The following TOM1L2 variants were observed in gnomAD, a reference collection of about 807,000 sequenced individuals.
The protein encoded by TOM1L2 is TOM1-like protein 2.
A neutral mutation model predicts 67.9 loss-of-function variants in TOM1L2; 31 were observed. The ratio of observed to expected loss-of-function variants is 0.46; its 90% CI spans 0.34 to 0.62. The LOEUF is 0.62. Ranked by LOEUF, TOM1L2 falls within the 20% of genes least tolerant of loss-of-function variation. The probability of loss-of-function intolerance (pLI) is 0.01; values close to 1 mark genes in which losing one functional copy is unlikely to be tolerated. For missense variants in TOM1L2, 606 were observed against 663.5 expected, an observed-to-expected ratio of 0.91 and a Z score of 0.95; for synonymous variants, 256 against 254.0, an observed-to-expected ratio of 1.01 and a Z score of -0.07.
chr17:17,856,591 C>T lies in TOM1L2; in HGVS notation c.1278+4885G>A, dbSNP rs1330446308. Among the ~76,000 whole-genome samples the T allele has an allele frequency of 5.9e-5, 9 of 152,218 alleles. No individual in the cohort carries two copies. In the East Asian group the frequency reaches 1.7e-3, roughly 29 times the overall value. On this transcript the variant is annotated intron_variant, in intron 12 of 14. Transcript: ENST00000379504. ...GACCTGCTGGCCTTTCCTCTGGCCA[C>T]AGCCTAGCATAGCACACTATGGGCA...
chr17:17,910,051 G>A (rs939172211), intron 1 of TOM1L2, among the ~76,000 whole-genome samples: 3 of 152,092 alleles, frequency 2.0e-5, no homozygotes, highest in African/African-American at 7.2e-5. Flanking sequence ...TTGTTGAATG[G>A]TTAAAATGAT....
chr17:17,906,848 A>T (rs144286969), intron 2 of TOM1L2, among the ~76,000 whole-genome samples: 1 of 152,368 alleles, frequency 6.6e-6, no homozygotes, highest in Non-Finnish European at 1.5e-5. Context: ...AGTGGTATGG[A>T]CAGAGGGCTA....
chr17:17,879,775 A>T, intron 6 of TOM1L2, 32 bp from the exon 7 acceptor site: 1 of 1,549,452 alleles, frequency 6.5e-7, no homozygotes, highest in Non-Finnish European at 8.9e-7. Context: ...GAAAGCAGGA[A>T]GGAAAGGTCA....
At chr17:17,957,907 G>A (rs911708618) in intron 1 of TOM1L2, among the ~76,000 whole-genome samples, 1 of 151,700 alleles carries the variant, frequency 6.6e-6, no homozygotes, top group African/African-American at 2.4e-5. Flanking sequence ...TGGCTAACAC[G>A]GTGAAACCCC....
chr17:17,866,386 C>G lies in TOM1L2; in HGVS notation c.994G>C (p.Asp332His). ...LNEVTEDNLI[D>H]LGPGSPAVVS... is the part of the protein sequence containing the mutation. ...ACGGCTGGAGACCCTGGCCCCAGGT[C>G]TATTAAGTTGTCTTCGGTTACTTCA... Residue 332 changes from aspartate to histidine, a missense_variant, in exon 10 of 15, where the codon GAC (aspartate) becomes CAC (histidine). Coordinates refer to ENST00000379504, the MANE Select transcript of TOM1L2 (RefSeq NM_001082968.2). The G allele has an allele frequency of 6.2e-7, 1 of 1,606,308 alleles. No individual in the cohort carries two copies. The highest frequency in any genetic ancestry group is 2.2e-5 in the East Asian group (1 of 44,676).
rs184187648 is a variant in TOM1L2, at chr17:17,962,534, G to A, written c.52+9728C>T. On this transcript the variant is annotated intron_variant, in intron 1 of 14. Coordinates refer to ENST00000379504, the MANE Select transcript of TOM1L2 (RefSeq NM_001082968.2). ...TCACCGTGTTGCGCAGGCTGGTCTC[G>A]AACTCCTGAGCTCAGGCAATCCACC... Among the ~76,000 whole-genome samples, 869 of 151,940 alleles carry A rather than the reference G, an allele frequency of 5.7e-3. 8 individuals are homozygous for A. The highest frequency in any genetic ancestry group is 0.011 in the Admixed American group (164 of 15,270).
chr17:17,856,100 G>A (rs191159445), intron 12 of TOM1L2, among the ~76,000 whole-genome samples: 3 of 152,364 alleles, frequency 2.0e-5, no homozygotes, highest in Admixed American at 1.3e-4. Flanking sequence ...GGCAGAGACA[G>A]GCACCACCAC....
chr17:17,856,588 CCACAGCCTAGCATAG>C (rs1208604465), intron 12 of TOM1L2, among the ~76,000 whole-genome samples: 9 of 152,220 alleles, frequency 5.9e-5, no homozygotes, highest in Admixed American at 5.9e-4. Context: ...TTTCCTCTGG[CCACAGCCTAGCATAG>C]CACACTATGG....
At chr17:17,907,405 A>T in intron 2 of TOM1L2, 42 bp downstream of exon 2, 1 of 1,591,144 alleles carries the variant, frequency 6.3e-7, no homozygotes. Context: ...AGTGGCCCCT[A>T]AAAGCTCAGA....
chr17:17,901,556 C>T (rs1299640768), intron 2 of TOM1L2, among the ~76,000 whole-genome samples: 3 of 152,190 alleles, frequency 2.0e-5, no homozygotes, highest in Non-Finnish European at 4.4e-5. Context: ...TATCTTTGTC[C>T]TTCAGCTTCA....
chr17:17,902,924 A>G (rs2038921029), intron 2 of TOM1L2, among the ~76,000 whole-genome samples: 1 of 152,006 alleles, frequency 6.6e-6, no homozygotes, highest in Admixed American at 6.5e-5. Context: ...AATGGGACAC[A>G]GACACAGGGA....
chr17:17,850,870 G>T (rs2035930631), intron 13 of TOM1L2, 23 bp downstream of exon 13: 1 of 1,613,562 alleles, frequency 6.2e-7, no homozygotes, highest in East Asian at 2.2e-5. Context: ...CCCCACAGAT[G>T]AAATAGAAAA....
intron 1 of TOM1L2, among the ~76,000 whole-genome samples, chr17:17,950,367 C>T (rs935831066): frequency 1.3e-5 from 2 of 151,690 alleles, no homozygotes; most frequent in Non-Finnish European, 2.9e-5. Flanking sequence ...CCAAGTTGGC[C>T]GCGCTTGTCT....
chr17:17,935,775 A>C (rs1454690304), intron 1 of TOM1L2, among the ~76,000 whole-genome samples: 1 of 152,242 alleles, frequency 6.6e-6, no homozygotes, highest in Non-Finnish European at 1.5e-5. Context: ...GTGATGAAAT[A>C]CAGTTGGCAA....
intron 1 of TOM1L2, among the ~76,000 whole-genome samples, chr17:17,935,124 C>A (rs2040469602): frequency 6.6e-6 from 1 of 152,200 alleles, no homozygotes; most frequent in African/African-American, 2.4e-5. Flanking sequence ...TCTCGGCAAA[C>A]CCTTGCCCAC....
intron 7 of TOM1L2, chr17:17,871,896 G>A: frequency 1.2e-6 from 1 of 811,870 alleles, no homozygotes; most frequent in East Asian, 1.2e-4. Context: ...TTAATAAGAG[G>A]TGAATACGGG....
At chr17:17,859,275 A>G (rs1331729948) in intron 12 of TOM1L2, 1 of 148,876 alleles carries the variant, frequency 6.7e-6, no homozygotes, top group Non-Finnish European at 1.5e-5. Flanking sequence ...GGGTTTCTCC[A>G]TGTTGGTCAG....
intron 4 of TOM1L2, among the ~76,000 whole-genome samples, chr17:17,885,669 A>C (rs1438051868): frequency 6.6e-6 from 1 of 152,172 alleles, no homozygotes; most frequent in Non-Finnish European, 1.5e-5. Flanking sequence ...TCATGCCTGT[A>C]ATCCCAGCAC....
intron 12 of TOM1L2, among the ~76,000 whole-genome samples, chr17:17,852,156 G>A (rs965949861): frequency 3.3e-5 from 5 of 152,150 alleles, no homozygotes; most frequent in African/African-American, 1.2e-4. Flanking sequence ...CCATGATCTA[G>A]GGTAAGACTA....
Sources: gnomAD v4.1 joint callset for allele counts (sites outside exome capture counted in the v4.1 genomes callset) on GRCh38, gnomAD v4.1.1 for gene constraint, MANE v1.5 for transcripts, NCBI Gene and HGNC (gene_info 2026-07-23, HGNC 2026-07-21) for gene names.